CUL1: variants seen among roughly 807,000 people sequenced by gnomAD.
CUL1 encodes the protein cullin 1.
A neutral mutation model predicts 118.0 loss-of-function variants in CUL1; 24 were observed. The observed-to-expected ratio is 0.20, with a 90% CI of 0.15 to 0.29. The LOEUF is 0.29. Ranked by LOEUF, CUL1 falls within the 10% of genes least tolerant of loss-of-function variation. The probability of loss-of-function intolerance (pLI) is 1.00; values close to 1 mark genes in which losing one functional copy is unlikely to be tolerated. For synonymous variants in CUL1, 332 were observed against 340.4 expected (o/e 0.98, Z 0.27); for missense variants, 361 against 933.8 (o/e 0.39, Z 7.99).
chr7:148,751,852 C>T (rs1034445903), intron 2 of CUL1, among the ~76,000 whole-genome samples: 8 of 152,284 alleles, frequency 5.3e-5, no homozygotes, highest in Admixed American at 3.3e-4. Context: ...CGGTGGCTCA[C>T]GCCTGTAATC....
At chr7:148,716,904 T>C (rs1798231829) in intron 1 of CUL1, among the ~76,000 whole-genome samples, 1 of 152,226 alleles carries the variant, frequency 6.6e-6, no homozygotes, top group African/African-American at 2.4e-5. Context: ...GCTGCACATT[T>C]TGGGAATAGA....
At chr7:148,725,071 A>G (rs1798517440) in intron 1 of CUL1, among the ~76,000 whole-genome samples, 1 of 152,172 alleles carries the variant, frequency 6.6e-6, no homozygotes, top group South Asian at 2.1e-4. Flanking sequence ...CAGAGAAGCA[A>G]GTGTTTTGTG....
At chr7:148,749,066 A>T (rs1488717395) in intron 2 of CUL1, among the ~76,000 whole-genome samples, 1 of 152,180 alleles carries the variant, frequency 6.6e-6, no homozygotes, top group African/African-American at 2.4e-5. Context: ...TGCTTATTTA[A>T]AAAAGGAAAT....
chr7:148,743,654 A>C (rs1262818929), intron 2 of CUL1, among the ~76,000 whole-genome samples: 1 of 152,206 alleles, frequency 6.6e-6, no homozygotes. Flanking sequence ...CTGTAATCCC[A>C]GCACATTGGG....
chr7:148,718,152 T>G (rs534755117), intron 1 of CUL1, among the ~76,000 whole-genome samples: 1 of 152,388 alleles, frequency 6.6e-6, no homozygotes, highest in South Asian at 2.1e-4. Flanking sequence ...GTGAATGAAC[T>G]GAATTTGAAC....
chr7:148,737,968 T>A (rs1414522919), intron 2 of CUL1, among the ~76,000 whole-genome samples: 1 of 152,230 alleles, frequency 6.6e-6, no homozygotes, highest in Non-Finnish European at 1.5e-5. Flanking sequence ...AGAAGTTACT[T>A]GTTTAAATTT....
intron 1 of CUL1, among the ~76,000 whole-genome samples, chr7:148,725,223 A>ACGCG (rs1407605299): frequency 2.3e-5 from 3 of 128,430 alleles, no homozygotes; most frequent in African/African-American, 9.7e-5. Context: ...GCGCGCGCTC[A>ACGCG]CACACACACA....
At chr7:148,775,082 A>G (rs946399622) in intron 9 of CUL1, among the ~76,000 whole-genome samples, 3 of 152,208 alleles carry the variant, frequency 2.0e-5, no homozygotes, top group African/African-American at 7.2e-5. Flanking sequence ...AAATAATTAT[A>G]AAAGCCCAGT....
chr7:148,772,093 A>G (rs1029889), intron 9 of CUL1, among the ~76,000 whole-genome samples: 3,657 of 152,280 alleles, frequency 0.024, 142 homozygotes, highest in African/African-American at 0.084. Flanking sequence ...GATACTTTCA[A>G]TAAACTCATC....
chr7:148,769,397 T>TCACACACACACACACACACA (rs55858322), intron 9 of CUL1, among the ~76,000 whole-genome samples: 21 of 129,106 alleles, frequency 1.6e-4, no homozygotes, highest in East Asian at 4.6e-4. Flanking sequence ...AGGGCCTGAT[T>TCACACACACACACACACACA]CACACACACA....
intron 2 of CUL1, among the ~76,000 whole-genome samples, chr7:148,753,306 G>A (rs1799551503): frequency 2.0e-5 from 3 of 152,096 alleles, no homozygotes; most frequent in African/African-American, 7.2e-5. Flanking sequence ...CATATTTAAA[G>A]GATACAACAG....
chr7:148,711,228 G>A (rs1327570900), intron 1 of CUL1, among the ~76,000 whole-genome samples: 1 of 152,076 alleles, frequency 6.6e-6, no homozygotes, highest in Admixed American at 6.5e-5. Flanking sequence ...CCATAATTTC[G>A]GAAAATACTA....
intron 2 of CUL1, among the ~76,000 whole-genome samples, chr7:148,734,436 G>A (rs992084453): frequency 3.9e-5 from 6 of 152,108 alleles, no homozygotes; most frequent in Admixed American, 2.0e-4. Context: ...TAGATACAGG[G>A]TTTCACCATG....
Position 148,792,711 on chromosome 7 carries a change from TG to T in CUL1, c.1807-9del. 2.5e-6 allele frequency: 4 copies of T among 1,601,168 alleles called. No individual in the cohort carries two copies. Among genetic ancestry groups the T allele is most frequent in the South Asian group, 1.1e-5 (1 of 88,216 alleles). ...AAATTTTCCTTCTTTTTCTTTTATA[TG>T]GGGGGCCGCAAAGGCGTCGACATTC... is the stretch of plus-strand genomic sequence containing the variant. On this transcript the variant is annotated splice_polypyrimidine_tract_variant and intron_variant, in intron 16 of 21. Transcript: ENST00000325222.
At chr7:148,798,489 C>A in intron 19 of CUL1, 83 bp from the exon 20 acceptor site, 1 of 998,162 alleles carries the variant, frequency 1.0e-6, no homozygotes, top group Non-Finnish European at 1.6e-6. Context: ...CAGGGCACTT[C>A]TTAAAGGTTG....
intron 9 of CUL1, among the ~76,000 whole-genome samples, chr7:148,781,142 C>T (rs1258434397): frequency 1.6e-5 from 2 of 125,584 alleles, no homozygotes; most frequent in Non-Finnish European, 3.1e-5. Context: ...AATGCAGTGG[C>T]GCGATCTCGG....
At chr7:148,726,942 G>C (rs538381301) in intron 1 of CUL1, among the ~76,000 whole-genome samples, 1 of 152,040 alleles carries the variant, frequency 6.6e-6, no homozygotes, top group Admixed American at 6.6e-5. Flanking sequence ...AGCCCAGGGG[G>C]TTGAGGCTGC....
chr7:148,749,187 T>C (rs1426312511), intron 2 of CUL1, among the ~76,000 whole-genome samples: 1 of 151,780 alleles, frequency 6.6e-6, no homozygotes, highest in African/African-American at 2.4e-5. Flanking sequence ...GAGGCAGAGG[T>C]GGGCAGATCA....
intron 19 of CUL1, 72 bp downstream of exon 19, chr7:148,798,091 A>G: frequency 1.2e-6 from 1 of 862,568 alleles, no homozygotes; most frequent in South Asian, 1.6e-5. Context: ...CACGGATCTC[A>G]GTATTGTTAC....
Sources: gnomAD v4.1 joint callset for allele counts (sites outside exome capture counted in the v4.1 genomes callset) on GRCh38, gnomAD v4.1.1 for gene constraint, MANE v1.5 for transcripts, NCBI Gene and HGNC (gene_info 2026-07-23, HGNC 2026-07-21) for gene names.